The following NRG1 variants were observed in gnomAD, a reference collection of about 807,000 sequenced individuals.
NRG1 encodes pro-neuregulin-1, membrane-bound isoform.
In NRG1, 18 loss-of-function variants were observed where a neutral mutation model predicts 63.8. The ratio of observed to expected loss-of-function variants is 0.28; its 90% confidence interval spans 0.19 to 0.42. The LOEUF (loss-of-function observed/expected upper bound fraction) is 0.42, where lower values mean the gene tolerates loss of function less well. Ranked by LOEUF, NRG1 falls within the 10% of genes least tolerant of loss-of-function variation. The probability of loss-of-function intolerance (pLI) is 1.00; values close to 1 mark genes in which losing one functional copy is unlikely to be tolerated. For missense variants in NRG1, 762 were observed against 814.7 expected, an observed-to-expected ratio of 0.94 and a Z score of 0.79; for synonymous variants, 302 against 301.3, an observed-to-expected ratio of 1.00 and a Z score of -0.02.
At position 32,073,008 on chromosome 8, in the gene NRG1, G is replaced by GAA. The variant is rs11400928; in HGVS notation, c.37+433586_37+433587dup. ...ATATAGTGTCTGGCATCAGGTCTGG[G>GAA]AAAAAAAAAATTGGTCAAAGAGATA... is the stretch of plus-strand genomic sequence containing the variant. On this transcript the variant is annotated intron_variant, in intron 1 of 10. Coordinates refer to the NRG1 transcript ENST00000519301. 6.5e-4 allele frequency among the ~76,000 whole-genome samples: 98 copies of GAA among 150,026 alleles called. 1 individual carries two copies. The highest frequency in any genetic ancestry group is 6.9e-3 in the Middle Eastern group (2 of 288).
At chr8:32,442,301 C>A (rs969541939) in intron 1 of NRG1, among the ~76,000 whole-genome samples, 1 of 152,148 alleles carries the variant, frequency 6.6e-6, no homozygotes, top group Non-Finnish European at 1.5e-5. Flanking sequence ...TTACCTGAGC[C>A]TGGACTCAAA....
rs565452631 is a variant in NRG1 at position 32,318,690 on chromosome 8, C to T, written c.38-277138C>T. On this transcript the variant is annotated intron_variant, in intron 1 of 10. Transcript: ENST00000519301. The stretch of plus-strand genomic sequence containing the variant: ...ATGTACATTTTTCCACACTTATGTA[C>T]CAAAACGTCCTTTGAAAATATGTTA... 4.6e-5 allele frequency among the ~76,000 whole-genome samples: 7 copies of T among 152,256 alleles called. No homozygotes were observed. The South Asian group carries it at 1.5e-3, about 32-fold the overall frequency.
At chr8:31,729,240 T>A (rs974798936) in intron 1 of NRG1, among the ~76,000 whole-genome samples, 1 of 9,746 alleles carries the variant, frequency 1.0e-4, no homozygotes, top group Non-Finnish European at 2.5e-4. Flanking sequence ...AAACAAAGTT[T>A]TTTTTTTTTT....
At chr8:31,988,864 C>T (rs2010243) in intron 1 of NRG1, among the ~76,000 whole-genome samples, 100,301 of 151,866 alleles carry the variant, frequency 0.66, 36,388 homozygotes, top group Non-Finnish European at 0.82. Context: ...TGTACCATTC[C>T]AGCAAATTCC....
chr8:31,893,136 TA>T (rs939889894), intron 1 of NRG1, among the ~76,000 whole-genome samples: 1 of 150,566 alleles, frequency 6.6e-6, no homozygotes, highest in Non-Finnish European at 1.5e-5. Context: ...TATTGTTTAA[TA>T]TAACCTATTT....
intron 5 of NRG1, among the ~76,000 whole-genome samples, chr8:32,704,329 T>G (rs1815764523): frequency 6.6e-6 from 1 of 152,230 alleles, no homozygotes; most frequent in Non-Finnish European, 1.5e-5. Context: ...ATTTCCTTTT[T>G]TTAAGAGTTT....
At chr8:32,236,649 CA>C (rs1213425794) in intron 1 of NRG1, among the ~76,000 whole-genome samples, 2 of 151,734 alleles carry the variant, frequency 1.3e-5, no homozygotes, top group African/African-American at 4.8e-5. Context: ...ACTCGTTGCT[CA>C]AAAAAAAGAA....
intron 1 of NRG1, among the ~76,000 whole-genome samples, chr8:32,225,580 G>A (rs1040720974): frequency 8.5e-5 from 13 of 152,252 alleles, no homozygotes; most frequent in African/African-American, 2.6e-4. Flanking sequence ...GCATTTGGGG[G>A]TGCCAGGCCC....
chr8:32,666,863 G>A (rs916882960), intron 5 of NRG1, among the ~76,000 whole-genome samples: 5 of 152,270 alleles, frequency 3.3e-5, no homozygotes, highest in East Asian at 3.9e-4. Context: ...GGAATCATGC[G>A]TTATTTGTCT....
At chr8:32,356,301 C>G (rs1027624189) in intron 1 of NRG1, among the ~76,000 whole-genome samples, 1 of 152,116 alleles carries the variant, frequency 6.6e-6, no homozygotes, top group Non-Finnish European at 1.5e-5. Context: ...AATTAGACAT[C>G]GACTGTGTAG....
chr8:31,975,144 T>C (rs1213195883), intron 1 of NRG1, among the ~76,000 whole-genome samples: 1 of 152,224 alleles, frequency 6.6e-6, no homozygotes, highest in Non-Finnish European at 1.5e-5. Context: ...TTTCCTGCCA[T>C]GTACTTCACA....
chr8:31,953,109 T>G (rs1355411728), intron 1 of NRG1, among the ~76,000 whole-genome samples: 2 of 140,584 alleles, frequency 1.4e-5, no homozygotes, highest in Admixed American at 1.4e-4. Context: ...GCAAAAAGGG[T>G]TTTTTTTTTC....
chr8:32,274,915 C>G (rs1851931215), intron 1 of NRG1, among the ~76,000 whole-genome samples: 1 of 152,140 alleles, frequency 6.6e-6, no homozygotes, highest in South Asian at 2.1e-4. Flanking sequence ...CTTCAAAAAA[C>G]TTCATGTAAA....
At chr8:32,129,280 T>G (rs1046413416) in intron 1 of NRG1, among the ~76,000 whole-genome samples, 2 of 151,938 alleles carry the variant, frequency 1.3e-5, no homozygotes, top group Non-Finnish European at 2.9e-5. Context: ...AAATTTATCC[T>G]GTCGTACTTC....
chr8:32,076,795 A>T (rs538959360), intron 1 of NRG1, among the ~76,000 whole-genome samples: 1 of 152,278 alleles, frequency 6.6e-6, no homozygotes, highest in Non-Finnish European at 1.5e-5. Context: ...CCAAATTATT[A>T]TGACAGAAAA....
chr8:32,596,166 G>A (rs1843326437), intron 2 of NRG1, among the ~76,000 whole-genome samples, 161 bp downstream of exon 2: 1 of 152,086 alleles, frequency 6.6e-6, no homozygotes, highest in Non-Finnish European at 1.5e-5. Flanking sequence ...TTATCACATA[G>A]GCAAGAATTC....
intron 5 of NRG1, among the ~76,000 whole-genome samples, chr8:32,686,378 A>G (rs1037214607): frequency 6.6e-6 from 1 of 152,242 alleles, no homozygotes; most frequent in African/African-American, 2.4e-5. Flanking sequence ...GGGTTGATAC[A>G]TTAAAGAAAG....
At chr8:31,648,558 C>G (rs561486476) in intron 1 of NRG1, among the ~76,000 whole-genome samples, 19 of 152,292 alleles carry the variant, frequency 1.2e-4, no homozygotes, top group African/African-American at 4.6e-4. Flanking sequence ...TAAATTACAA[C>G]TTCTCATTTT....
At chr8:32,472,470 C>T (rs1397487654) in intron 1 of NRG1, among the ~76,000 whole-genome samples, 3 of 152,196 alleles carry the variant, frequency 2.0e-5, no homozygotes, top group African/African-American at 4.8e-5. Flanking sequence ...GTGCCCGGCC[C>T]TTGGCCTTTA....
Sources: gnomAD v4.1 joint callset for allele counts (sites outside exome capture counted in the v4.1 genomes callset) on GRCh38, gnomAD v4.1.1 for gene constraint, MANE v1.5 for transcripts, NCBI Gene and HGNC (gene_info 2026-07-23, HGNC 2026-07-21) for gene names.